NUP188: variants seen among roughly 807,000 people sequenced by gnomAD.
NUP188 encodes nucleoporin 188.
Under a neutral mutation model 223.0 loss-of-function variants are expected in NUP188, and 97 were observed. The observed-to-expected ratio is 0.43, with a 90% CI of 0.37 to 0.51. The LOEUF (loss-of-function observed/expected upper bound fraction) is 0.51, where lower values mean the gene tolerates loss of function less well. NUP188 is among the 20% of genes least tolerant of loss of function. The probability of loss-of-function intolerance (pLI) is 0.00; values close to 1 mark genes in which losing one functional copy is unlikely to be tolerated. For missense variants in NUP188, 1,947 were observed against 2,175.6 expected (o/e 0.89, Z 2.09); for synonymous variants, 869 against 828.0 (o/e 1.05, Z -0.85).
At position 128,968,542 on chromosome 9, in the gene NUP188, C is replaced by G. The variant is rs2131153412; in HGVS notation, c.622C>G (p.Leu208Val). 6.2e-7 allele frequency: 1 copy of G among 1,614,146 alleles called. No homozygotes were observed. The highest frequency in any genetic ancestry group is 2.2e-5 in the East Asian group (1 of 44,888). Residue 208 changes from leucine (L) to valine (V), a missense_variant, in exon 9 of 44, where the codon CTT (leucine) becomes GTT (valine). Coordinates refer to ENST00000372577, the MANE Select transcript of NUP188 (RefSeq NM_015354.3). ...RQVSRWFVQCLREQSMLLEII... is the reference protein window; with the variant it reads ...RQVSRWFVQCVREQSMLLEII... Reference sequence around the variant, plus strand: ...AGTGTCTCGCTGGTTTGTTCAGTGCCTTCGGGAACAGTCCATGCTGCTAGA... The same window carrying G: ...AGTGTCTCGCTGGTTTGTTCAGTGCGTTCGGGAACAGTCCATGCTGCTAGA...
intron 10 of NUP188, among the ~76,000 whole-genome samples, chr9:128,970,541 CATAAA>C (rs1480325033): frequency 6.6e-6 from 1 of 152,120 alleles, no homozygotes; most frequent in Non-Finnish European, 1.5e-5. Context: ...CTTAAGACTA[CATAAA>C]ATTAGTAGAC....
rs757232521 is a variant in NUP188 at position 129,005,215 on chromosome 9, C to T, written c.4503C>T (p.Tyr1501=). 1.2e-6 allele frequency: 2 copies of T among 1,614,040 alleles called. No individual in the cohort carries two copies. The highest frequency in any genetic ancestry group is 1.7e-6 in the Non-Finnish European group (2 of 1,179,884). The part of the protein sequence containing the change: ...LLHSRKMLQH[Y]LQNKNGDGLP... ...ACAGTCGAAAGATGCTGCAGCATTA[C>T]TTACAGGTAAGCGTCCTATGCCATG... The change falls in exon 39 of 44, where the codon TAC becomes TAT. Residue 1501 remains tyrosine, a synonymous_variant. Transcript: ENST00000372577.
chr9:129,003,715 C>A, intron 38 of NUP188: 1 of 509,162 alleles, frequency 2.0e-6, no homozygotes. Flanking sequence ...CACTTGGGGC[C>A]GGGCATGGTG....
At position 129,001,414 on chromosome 9, in the gene NUP188, A is replaced by G. The variant is rs905876554; in HGVS notation, c.3844-115A>G. On this transcript the variant is annotated intron_variant, in intron 34 of 43. Coordinates refer to ENST00000372577, the MANE Select transcript of NUP188 (RefSeq NM_015354.3). ...TGTGCATTCTGTGTTACTCAAGCTC[A>G]CTTAGCAATGTGTGTAACCAAGCAG... The G allele has an allele frequency of 4.8e-6, 4 of 841,934 alleles. No homozygotes were observed. In the Admixed American group the frequency reaches 5.6e-5, roughly 12 times the overall value. The allele number at this position is 841,934 out of a possible 1,614,324, so 52.2% of individuals were successfully genotyped here. A position where few individuals can be genotyped will look rare whatever the true frequency, so the allele number is the denominator to read the frequency against.
At chr9:128,976,423 C>G (rs1171578929) in intron 12 of NUP188, among the ~76,000 whole-genome samples, 1 of 152,162 alleles carries the variant, frequency 6.6e-6, no homozygotes, top group African/African-American at 2.4e-5. Context: ...GTAATCCCAG[C>G]ACTTTGGGAG....
intron 19 of NUP188, among the ~76,000 whole-genome samples, chr9:128,983,843 T>TG (rs758349604): frequency 6.6e-5 from 10 of 151,880 alleles, no homozygotes; most frequent in Non-Finnish European, 1.3e-4. Context: ...TTTTTTGAGA[T>TG]GGAGTTTCGC....
intron 1 of NUP188, 66 bp downstream of exon 1, chr9:128,947,817 G>A (rs1841708658): frequency 1.5e-6 from 2 of 1,323,404 alleles, no homozygotes; most frequent in African/African-American, 3.1e-5. Flanking sequence ...GCGGAAGCGG[G>A]GCGGGAATTG....
chr9:128,986,551 C>T lies in NUP188; in HGVS notation c.2077-7C>T. 2 of 1,612,598 alleles carry T rather than the reference C, an allele frequency of 1.2e-6. No homozygotes were observed. Among genetic ancestry groups the T allele is most frequent in the Non-Finnish European group, 1.7e-6 (2 of 1,179,384 alleles). On this transcript the variant is annotated splice_polypyrimidine_tract_variant and splice_region_variant and intron_variant, in intron 20 of 43. Transcript: ENST00000372577. The stretch of plus-strand genomic sequence containing the variant: ...TGCGGAAGTCCTCACTGCATGGTTT[C>T]TTGTAGGGGCAACTTGGTAGTACCC...
chr9:128,974,947 G>A (rs1045596027), intron 12 of NUP188, among the ~76,000 whole-genome samples: 1 of 151,660 alleles, frequency 6.6e-6, no homozygotes, highest in African/African-American at 2.4e-5. Context: ...TTCTTGAAGA[G>A]ATGGAGTTTT....
At chr9:128,963,282 ATT>A (rs1177267491) in intron 8 of NUP188, among the ~76,000 whole-genome samples, 4,762 of 138,560 alleles carry the variant, frequency 0.034, 205 homozygotes, top group African/African-American at 0.12. Context: ...GTAAATGTAA[ATT>A]TTTTTTTTTT....
At position 128,993,622 on chromosome 9, in the gene NUP188, G is replaced by A. The variant is rs749921604; in HGVS notation, c.2945G>A (p.Arg982His). Residue 982 changes from arginine (R) to histidine (H), a missense_variant, in exon 27 of 44, where the codon CGT (arginine) becomes CAT (histidine). Around this residue, in one of 3 missense-constraint regions of NUP188, gnomAD observed 905 missense variants for 990.6 expected, o/e 0.91. Coordinates refer to ENST00000372577, the MANE Select transcript of NUP188 (RefSeq NM_015354.3). ...DRYWCPPLLHRAAIAFLHALW... is the reference protein window; with the variant it reads ...DRYWCPPLLHHAAIAFLHALW... ...TACTGGTGCCCACCCCTGCTGCATCGTGCCGCCATTGCCTTTTTGCATGCT... is the reference window on the plus strand; with the variant it reads ...TACTGGTGCCCACCCCTGCTGCATCATGCCGCCATTGCCTTTTTGCATGCT... 9.9e-6 allele frequency: 16 copies of A among 1,614,056 alleles called. No individual in the cohort carries two copies. In the African/African-American group the frequency reaches 1.1e-4, roughly 11 times the overall value.
intron 20 of NUP188, 111 bp from the exon 21 acceptor site, chr9:128,986,447 G>C (rs1588283759): frequency 8.8e-7 from 1 of 1,141,704 alleles, no homozygotes; most frequent in East Asian, 2.4e-5. Flanking sequence ...GATGACCAAG[G>C]TTTGCCTAGA....
At chr9:128,976,397 G>A (rs542983016) in intron 12 of NUP188, among the ~76,000 whole-genome samples, 3 of 152,302 alleles carry the variant, frequency 2.0e-5, no homozygotes, top group Non-Finnish European at 4.4e-5. Context: ...GAGGCTGGGT[G>A]TGGTGGCTTA....
intron 9 of NUP188, among the ~76,000 whole-genome samples, chr9:128,969,128 C>A (rs1467994442): frequency 1.3e-5 from 2 of 152,034 alleles, no homozygotes; most frequent in South Asian, 4.1e-4. Context: ...TAACTGGGGG[C>A]CTGGTCACTC....
At chr9:128,986,230 A>T (rs1842331890) in intron 20 of NUP188, among the ~76,000 whole-genome samples, 1 of 152,146 alleles carries the variant, frequency 6.6e-6, no homozygotes, top group South Asian at 2.1e-4. Context: ...GGCAATCATG[A>T]TAGTGAAGTG....
Position 129,002,979 on chromosome 9 carries a change from A to G in NUP188, c.4296+4A>G. The G allele has an allele frequency of 6.2e-7, 1 of 1,613,716 alleles. No homozygotes were observed. Among genetic ancestry groups the G allele is most frequent in the South Asian group, 1.1e-5 (1 of 91,064 alleles). ...CCACCAGGAGCGGACCTTACAGGTGAGGGGCTGCCTGCATTGCAGGGGTGG... is the reference window on the plus strand; with the variant it reads ...CCACCAGGAGCGGACCTTACAGGTGGGGGGCTGCCTGCATTGCAGGGGTGG... On this transcript the variant is annotated splice_donor_region_variant and intron_variant, in intron 37 of 43. Transcript: ENST00000372577.
intron 8 of NUP188, among the ~76,000 whole-genome samples, chr9:128,964,769 G>A (rs932733808): frequency 6.8e-6 from 1 of 147,898 alleles, no homozygotes; most frequent in Non-Finnish European, 1.5e-5. Context: ...GCAGTGGCAC[G>A]ATGTTGGCTA....
intron 35 of NUP188, 55 bp from the exon 36 acceptor site, chr9:129,001,829 C>T (rs1842674913): frequency 1.9e-6 from 3 of 1,586,648 alleles, no homozygotes; most frequent in Non-Finnish European, 2.6e-6. Flanking sequence ...CCCTACCTAC[C>T]CTAGGCAGGG....
At chr9:128,953,494 G>A (rs1303156724) in intron 3 of NUP188, among the ~76,000 whole-genome samples, 1 of 152,086 alleles carries the variant, frequency 6.6e-6, no homozygotes, top group Non-Finnish European at 1.5e-5. Flanking sequence ...TACTGCTTTT[G>A]AATGTATTAC....
Sources: allele counts gnomAD v4.1 joint callset (sites outside exome capture counted in the v4.1 genomes callset), GRCh38; gene constraint gnomAD v4.1.1; regional missense constraint gnomAD v4.1.1; transcripts MANE v1.5; gene names NCBI Gene and HGNC (gene_info 2026-07-23, HGNC 2026-07-21).